FGD6: variants seen among roughly 807,000 people sequenced by gnomAD.
The protein encoded by FGD6 is FYVE, RhoGEF and PH domain-containing protein 6.
In FGD6, 90 loss-of-function variants were observed where a neutral mutation model predicts 149.4. The observed-to-expected ratio is 0.60, with a 90% CI of 0.51 to 0.72. FGD6 has a LOEUF of 0.72. Ranked by LOEUF, FGD6 falls within the 30% of genes least tolerant of loss-of-function variation. The pLI is 0.00. For synonymous variants in FGD6, 527 were observed against 584.0 expected (o/e 0.90, Z 1.41); for missense variants, 1,437 against 1,684.8 (o/e 0.85, Z 2.57).
At chr12:95,096,755 AGTGAT>A (rs949407332) in intron 14 of FGD6, among the ~76,000 whole-genome samples, 3 of 152,246 alleles carry the variant, frequency 2.0e-5, no homozygotes, top group Non-Finnish European at 4.4e-5. Flanking sequence ...CAACAGACTA[AGTGAT>A]GAGCTGTTAT....
chr12:95,142,766 T>C (rs1879890596), intron 5 of FGD6, among the ~76,000 whole-genome samples: 1 of 152,248 alleles, frequency 6.6e-6, no homozygotes, highest in Non-Finnish European at 1.5e-5. Flanking sequence ...ATTTTAACTC[T>C]GGACCTGAAA....
chr12:95,136,377 AAAAC>A (rs907197116), intron 7 of FGD6, among the ~76,000 whole-genome samples: 3 of 152,102 alleles, frequency 2.0e-5, no homozygotes, highest in Non-Finnish European at 2.9e-5. Context: ...AACAAAAACA[AAAAC>A]AAACAAACAA....
chr12:95,196,563 C>T (rs1271842901), intron 2 of FGD6, among the ~76,000 whole-genome samples: 2 of 152,006 alleles, frequency 1.3e-5, no homozygotes, highest in Non-Finnish European at 2.9e-5. Flanking sequence ...TATACTATGA[C>T]TATGGCATTT....
intron 9 of FGD6, 48 bp downstream of exon 9, chr12:95,113,603 C>T (rs750606708): frequency 7.2e-7 from 1 of 1,385,208 alleles, no homozygotes; most frequent in Non-Finnish European, 1.0e-6. Flanking sequence ...CTAGCCCTAC[C>T]TAAATAAACA....
In FGD6 at chr12:95,085,048, G is replaced by A. The variant is rs181605272; in HGVS notation, c.4108-402C>T. ...TTTTCATAGGATGGTGGAACACAGG[G>A]TGATCAGGTAGGAGAAAAGGACAGA... On this transcript the variant is annotated intron_variant, in intron 19 of 20. Coordinates refer to ENST00000343958, the MANE Select transcript of FGD6 (RefSeq NM_018351.4). Among the ~76,000 whole-genome samples, 877 of 152,304 alleles carry A rather than the reference G, an allele frequency of 5.8e-3. 4 individuals carry two copies. The highest frequency in any genetic ancestry group is 0.02 in the African/African-American group (833 of 41,564).
Position 95,084,530 on chromosome 12 carries a change from T to C in FGD6, c.4224A>G (p.Val1408=), listed in dbSNP as rs769002451. ...QLLHKNMLFY[V]FKAEDAHSAQ... The stretch of plus-strand genomic sequence containing the variant: ...CCGAATGAGCATCCTCTGCTTTGAA[T>C]ACATAAAATAACATGTTTTTGTGCA... Residue 1408 remains valine (V), a synonymous_variant, in exon 20 of 21, where the codon GTA becomes GTG. Transcript: ENST00000343958. 1.3e-6 allele frequency: 2 copies of C among 1,596,766 alleles called. No individual in the cohort carries two copies. The highest frequency in any genetic ancestry group is 1.7e-6 in the Non-Finnish European group (2 of 1,174,866).
chr12:95,156,721 G>A (rs894372286), intron 3 of FGD6, among the ~76,000 whole-genome samples: 1 of 151,942 alleles, frequency 6.6e-6, no homozygotes, highest in African/African-American at 2.4e-5. Flanking sequence ...ACGGCTCAGG[G>A]GGCATCACAG....
At chr12:95,198,399 T>C (rs2136297785) in intron 2 of FGD6, among the ~76,000 whole-genome samples, 1 of 152,338 alleles carries the variant, frequency 6.6e-6, no homozygotes, top group South Asian at 2.1e-4. Context: ...AGCATAATGC[T>C]GGCATATCGG....
At chr12:95,087,265 G>A (rs994884075) in intron 18 of FGD6, among the ~76,000 whole-genome samples, 2 of 152,176 alleles carry the variant, frequency 1.3e-5, no homozygotes, top group South Asian at 4.1e-4. Context: ...GACCCTTGCT[G>A]TAGAGAGTCA....
At chr12:95,193,339 T>C (rs1881643722) in intron 2 of FGD6, among the ~76,000 whole-genome samples, 1 of 151,832 alleles carries the variant, frequency 6.6e-6, no homozygotes, top group South Asian at 2.1e-4. Flanking sequence ...CTTGGATGGC[T>C]CTACAGAAAA....
chr12:95,105,441 T>C (rs958542474), intron 13 of FGD6, among the ~76,000 whole-genome samples: 3 of 152,200 alleles, frequency 2.0e-5, no homozygotes, highest in African/African-American at 7.2e-5. Flanking sequence ...GTCCCCACCA[T>C]GACCATCAAA....
rs1055780064 is a variant in FGD6 at position 95,188,614 on chromosome 12, G to A, written c.2442-15870C>T. ...CAAAACCTTATCTCTCCAGTGGAACGGAGGTGGATAAAGAGAAGAAAAGGA... is the reference window on the plus strand; with the variant it reads ...CAAAACCTTATCTCTCCAGTGGAACAGAGGTGGATAAAGAGAAGAAAAGGA... On this transcript the variant is annotated intron_variant, in intron 2 of 20. Coordinates refer to ENST00000343958, the MANE Select transcript of FGD6 (RefSeq NM_018351.4). 5.9e-5 allele frequency among the ~76,000 whole-genome samples: 9 copies of A among 152,230 alleles called. No individual in the cohort carries two copies. In the South Asian group the frequency reaches 6.2e-4, roughly 11 times the overall value.
At chr12:95,203,561 C>A (rs1313120486) in intron 2 of FGD6, among the ~76,000 whole-genome samples, 1 of 152,136 alleles carries the variant, frequency 6.6e-6, no homozygotes, top group Non-Finnish European at 1.5e-5. Flanking sequence ...AAGAAAAAGA[C>A]AACTAATTAG....
chr12:95,124,437 G>A (rs1879281062), intron 8 of FGD6, among the ~76,000 whole-genome samples: 2 of 152,132 alleles, frequency 1.3e-5, no homozygotes, highest in South Asian at 4.1e-4. Context: ...GCAAATGTAA[G>A]CACCACAGTT....
chr12:95,174,416 A>G (rs1488529877), intron 2 of FGD6, among the ~76,000 whole-genome samples: 1 of 152,080 alleles, frequency 6.6e-6, no homozygotes, highest in East Asian at 1.9e-4. Flanking sequence ...TCAATTTCCA[A>G]TCGGCAGCAG....
At chr12:95,100,658 G>T in intron 14 of FGD6, 2 of 537,362 alleles carry the variant, frequency 3.7e-6, no homozygotes. Context: ...GAGCTTGGCA[G>T]AGCTGCAAAG....
intron 8 of FGD6, among the ~76,000 whole-genome samples, chr12:95,128,887 C>A (rs1373616844): frequency 2.6e-5 from 4 of 152,128 alleles, no homozygotes; most frequent in Non-Finnish European, 4.4e-5. Flanking sequence ...TATAGCTAGA[C>A]TAAAGGAAAA....
intron 7 of FGD6, among the ~76,000 whole-genome samples, chr12:95,135,288 A>G (rs1427543460): frequency 6.6e-6 from 1 of 152,200 alleles, no homozygotes. Flanking sequence ...ATATAGTCAA[A>G]ATAATGGTGG....
intron 2 of FGD6, among the ~76,000 whole-genome samples, chr12:95,176,401 C>A (rs563998381): frequency 6.6e-6 from 1 of 152,292 alleles, no homozygotes; most frequent in East Asian, 1.9e-4. Flanking sequence ...CGTCTTTCTG[C>A]CTAGTTAGTT....
Sources: gnomAD v4.1 joint callset for allele counts (sites outside exome capture counted in the v4.1 genomes callset) on GRCh38, gnomAD v4.1.1 for gene constraint, MANE v1.5 for transcripts, NCBI Gene and HGNC (gene_info 2026-07-23, HGNC 2026-07-21) for gene names.